The following NUMB variants were observed in gnomAD, a reference collection of about 807,000 sequenced individuals.
NUMB encodes protein numb homolog.
A neutral mutation model predicts 59.7 loss-of-function variants in NUMB; 29 were observed. The observed-to-expected ratio is 0.49, with a 90% CI of 0.36 to 0.66. The LOEUF (loss-of-function observed/expected upper bound fraction) is 0.66, where lower values mean the gene tolerates loss of function less well. NUMB is among the 30% of genes least tolerant of loss of function. The pLI, the probability that NUMB is intolerant of heterozygous loss-of-function variation, is 0.00. For missense variants in NUMB, 723 were observed against 822.0 expected, an observed-to-expected ratio of 0.88 and a Z score of 1.47; for synonymous variants, 288 against 288.2, an observed-to-expected ratio of 1.00 and a Z score of 0.01.
intron 12 of NUMB, 71 bp from the exon 13 acceptor site, chr14:73,277,364 T>C (rs1888244502): frequency 8.2e-7 from 1 of 1,216,196 alleles, no homozygotes; most frequent in African/African-American, 1.5e-5. Context: ...ATCTTGGTTA[T>C]TTGAATGATC....
intron 1 of NUMB, among the ~76,000 whole-genome samples, chr14:73,451,151 C>A (rs2140208840): frequency 3.5e-5 from 2 of 56,366 alleles, no homozygotes; most frequent in East Asian, 2.9e-4. Flanking sequence ...AGGACTCTGT[C>A]TCAAAAAAAA....
At chr14:73,339,634 C>T (rs1184150302) in intron 4 of NUMB, among the ~76,000 whole-genome samples, 1 of 152,118 alleles carries the variant, frequency 6.6e-6, no homozygotes, top group Non-Finnish European at 1.5e-5. Flanking sequence ...TCAAGTGATC[C>T]TCCTACCTCA....
At chr14:73,332,032 T>C (rs1173937184) in intron 4 of NUMB, among the ~76,000 whole-genome samples, 1 of 152,136 alleles carries the variant, frequency 6.6e-6, no homozygotes, top group African/African-American at 2.4e-5. Context: ...AGTCCAAACC[T>C]AGGATTTCAA....
chr14:73,416,457 T>C (rs985832798), intron 1 of NUMB, among the ~76,000 whole-genome samples: 1 of 152,162 alleles, frequency 6.6e-6, no homozygotes, highest in African/African-American at 2.4e-5. Context: ...AAAAGCTCTT[T>C]AGAAAATAAT....
intron 2 of NUMB, among the ~76,000 whole-genome samples, chr14:73,371,546 C>T (rs1475048711): frequency 4.6e-5 from 7 of 151,584 alleles, no homozygotes; most frequent in Non-Finnish European, 1.0e-4. Flanking sequence ...AAAAAAAAAA[C>T]TTACTATATG....
intron 6 of NUMB, among the ~76,000 whole-genome samples, chr14:73,311,816 G>A (rs539429530): frequency 4.6e-5 from 7 of 152,186 alleles, no homozygotes; most frequent in Admixed American, 3.3e-4. Context: ...TTCATTTTGA[G>A]GTTTCATCAA....
At chr14:73,367,328 T>TAC (rs1178756705) in intron 2 of NUMB, among the ~76,000 whole-genome samples, 6 of 82,390 alleles carry the variant, frequency 7.3e-5, no homozygotes, top group African/African-American at 3.7e-4. Flanking sequence ...CACACATATA[T>TAC]ACATATATAT....
chr14:73,387,772 C>A (rs1352263910), intron 2 of NUMB, among the ~76,000 whole-genome samples: 6 of 148,938 alleles, frequency 4.0e-5, no homozygotes, highest in African/African-American at 1.2e-4. Flanking sequence ...AAAAAAAAAC[C>A]AAAAAGGCCA....
At chr14:73,345,135 G>T (rs974393928) in intron 4 of NUMB, among the ~76,000 whole-genome samples, 7 of 152,166 alleles carry the variant, frequency 4.6e-5, no homozygotes, top group African/African-American at 1.7e-4. Context: ...AGAAAATGTG[G>T]TATGTATATA....
chr14:73,441,401 A>T (rs1483417523), intron 1 of NUMB, among the ~76,000 whole-genome samples: 4 of 152,138 alleles, frequency 2.6e-5, no homozygotes, highest in Non-Finnish European at 5.9e-5. Context: ...TACGAAAATT[A>T]GCCTGGCATG....
intron 2 of NUMB, among the ~76,000 whole-genome samples, chr14:73,390,521 A>G (rs1895786089): frequency 1.3e-5 from 2 of 152,100 alleles, no homozygotes; most frequent in Admixed American, 1.3e-4. Context: ...CCTCCAAAGC[A>G]AAGTCAGATG....
chr14:73,442,658 AT>A (rs981826437), intron 1 of NUMB, among the ~76,000 whole-genome samples: 8 of 152,252 alleles, frequency 5.3e-5, no homozygotes, highest in African/African-American at 1.2e-4. Flanking sequence ...AGACAAAAAA[AT>A]ATATGTATAT....
At chr14:73,391,009 C>A (rs912185792) in intron 2 of NUMB, among the ~76,000 whole-genome samples, 1 of 151,032 alleles carries the variant, frequency 6.6e-6, no homozygotes, top group Admixed American at 6.6e-5. Flanking sequence ...TATAGGCCCT[C>A]AATATAAGAC....
At chr14:73,411,966 C>A (rs1356325641) in intron 1 of NUMB, among the ~76,000 whole-genome samples, 2 of 139,322 alleles carry the variant, frequency 1.4e-5, no homozygotes, top group African/African-American at 5.3e-5. Context: ...GATTTATTAC[C>A]CAGGCTAGAG....
intron 5 of NUMB, among the ~76,000 whole-genome samples, chr14:73,322,311 C>T (rs545744623): frequency 4.7e-4 from 71 of 152,278 alleles, no homozygotes; most frequent in East Asian, 9.6e-4. Flanking sequence ...TTATGAATTC[C>T]GAACTCGTTC....
chr14:73,442,480 T>C (rs1330068094), intron 1 of NUMB, among the ~76,000 whole-genome samples: 3 of 152,196 alleles, frequency 2.0e-5, no homozygotes, highest in African/African-American at 7.2e-5. Context: ...TTGGCTCTAT[T>C]TGAATAGCCA....
chr14:73,312,741 CA>C (rs1890845484), intron 6 of NUMB, among the ~76,000 whole-genome samples: 1 of 149,996 alleles, frequency 6.7e-6, no homozygotes, highest in Non-Finnish European at 1.5e-5. Flanking sequence ...AGCCATCTAG[CA>C]GAATGCCACT....
At chr14:73,452,445 A>C (rs995504728) in intron 1 of NUMB, among the ~76,000 whole-genome samples, 1 of 152,158 alleles carries the variant, frequency 6.6e-6, no homozygotes, top group Admixed American at 6.5e-5. Flanking sequence ...ACCTGAGCCC[A>C]GAATGTTGAG....
At chr14:73,409,085 C>G (rs920064415) in intron 2 of NUMB, 1 of 152,006 alleles carries the variant, frequency 6.6e-6, no homozygotes, top group Non-Finnish European at 1.5e-5. Context: ...AAAAGTAATA[C>G]AAATTGTGGC....
Sources: gnomAD v4.1 joint callset for allele counts (sites outside exome capture counted in the v4.1 genomes callset) on GRCh38, gnomAD v4.1.1 for gene constraint, MANE v1.5 for transcripts, NCBI Gene and HGNC (gene_info 2026-07-23, HGNC 2026-07-21) for gene names.